The following LOC400499 variants were observed in gnomAD, a reference collection of about 807,000 sequenced individuals.
the LOC400499 span, chr16:11,515,783 A>T: frequency 2.5e-6 from 1 of 401,706 alleles, no homozygotes; most frequent in East Asian, 3.6e-5. Context: ...GAGGAGGAGG[A>T]AAAGGGAGGA....
At chr16:11,397,763 GA>G in the LOC400499 span, among the ~76,000 whole-genome samples, 1 of 38,970 alleles carries the variant, frequency 2.6e-5, no homozygotes, top group Non-Finnish European at 8.6e-5. Flanking sequence ...GGGATGGAGG[GA>G]GGGAGGGATG....
At chr16:11,373,522 C>T in the LOC400499 span, among the ~76,000 whole-genome samples, 9 of 152,110 alleles carry the variant, frequency 5.9e-5, no homozygotes, top group South Asian at 4.1e-4. Context: ...TTAGTAGAGA[C>T]GGGGTTGGGC....
chr16:11,401,964 C>A, the LOC400499 span: 2 of 398,866 alleles, frequency 5.0e-6, no homozygotes, highest in Non-Finnish European at 8.8e-6. Context: ...GGGGAGGGCC[C>A]CAAAGACCCC....
At chr16:11,401,449 G>C in the LOC400499 span, 1 of 399,400 alleles carries the variant, frequency 2.5e-6, no homozygotes, top group Non-Finnish European at 4.4e-6. Context: ...TGCCCAGACA[G>C]ACTGCACCTC....
the LOC400499 span, among the ~76,000 whole-genome samples, chr16:11,515,674 G>A: frequency 9.6e-5 from 14 of 146,250 alleles, no homozygotes; most frequent in African/African-American, 3.5e-4. Flanking sequence ...AAGAAGAGAA[G>A]GAATTGGAGG....
the LOC400499 span, among the ~76,000 whole-genome samples, chr16:11,480,713 C>T: frequency 2.0e-5 from 3 of 152,304 alleles, no homozygotes; most frequent in East Asian, 1.9e-4. Flanking sequence ...TAAATACACA[C>T]GTTCCCTAAG....
the LOC400499 span, among the ~76,000 whole-genome samples, chr16:11,412,662 G>A: frequency 6.6e-6 from 1 of 152,216 alleles, no homozygotes; most frequent in Non-Finnish European, 1.5e-5. Context: ...GAGGATGAGG[G>A]ATTTTTATAG....
At chr16:11,390,894 G>C in the LOC400499 span, among the ~76,000 whole-genome samples, 1 of 152,222 alleles carries the variant, frequency 6.6e-6, no homozygotes, top group Non-Finnish European at 1.5e-5. Context: ...TCTGGTGACA[G>C]CTGGGACAGC....
chr16:11,372,508 A>G, the LOC400499 span: 8 of 152,584 alleles, frequency 5.2e-5, no homozygotes, highest in African/African-American at 1.9e-4. Context: ...GGGGAGAATT[A>G]CTCAGACCAG....
the LOC400499 span, chr16:11,475,772 A>G: frequency 2.5e-6 from 1 of 397,812 alleles, no homozygotes. Context: ...TCATTAGACA[A>G]GTAACACCTT....
At chr16:11,455,690 G>A in the LOC400499 span, among the ~76,000 whole-genome samples, 170 of 149,010 alleles carry the variant, frequency 1.1e-3, no homozygotes, top group African/African-American at 2.7e-3. Flanking sequence ...AGCCGAGATC[G>A]TGCCACTGCA....
the LOC400499 span, among the ~76,000 whole-genome samples, chr16:11,483,276 A>G: frequency 6.6e-6 from 1 of 152,220 alleles, no homozygotes; most frequent in Admixed American, 6.5e-5. Context: ...TTAAACATAT[A>G]CCTACCATAT....
At chr16:11,409,565 A>T in the LOC400499 span, among the ~76,000 whole-genome samples, 1 of 152,230 alleles carries the variant, frequency 6.6e-6, no homozygotes, top group Admixed American at 6.5e-5. Context: ...AAGAAAATTA[A>T]AAAGACATGG....
the LOC400499 span, among the ~76,000 whole-genome samples, chr16:11,450,394 G>A: frequency 1.3e-5 from 2 of 152,204 alleles, no homozygotes; most frequent in Non-Finnish European, 2.9e-5. Flanking sequence ...TGCCGAGCAG[G>A]GATGTGGGAA....
chr16:11,385,555 G>A, the LOC400499 span: 1 of 512,152 alleles, frequency 2.0e-6, no homozygotes, highest in Non-Finnish European at 3.0e-6. Flanking sequence ...CCCTCCCCTG[G>A]CGCAGCAGCC....
At chr16:11,437,967 C>T in the LOC400499 span, among the ~76,000 whole-genome samples, 1 of 152,196 alleles carries the variant, frequency 6.6e-6, no homozygotes, top group African/African-American at 2.4e-5. Flanking sequence ...TTCGGGGGAT[C>T]GATCGCATGC....
chr16:11,459,288 TG>T, the LOC400499 span, among the ~76,000 whole-genome samples: 1 of 146,106 alleles, frequency 6.8e-6, no homozygotes, highest in African/African-American at 2.6e-5. Flanking sequence ...GCTCCGCCTC[TG>T]GGGTTCAAGC....
the LOC400499 span, among the ~76,000 whole-genome samples, chr16:11,512,014 C>T: frequency 6.6e-6 from 1 of 151,990 alleles, no homozygotes; most frequent in Admixed American, 6.6e-5. Flanking sequence ...GAAGGCTGGG[C>T]ACGGTGGCTC....
chr16:11,505,650 G>A, the LOC400499 span, among the ~76,000 whole-genome samples: 1 of 151,530 alleles, frequency 6.6e-6, no homozygotes, highest in African/African-American at 2.4e-5. Flanking sequence ...CTCTCCCTGT[G>A]TTGCCCAGGC....
Sources: gnomAD v4.1 joint callset for allele counts (sites outside exome capture counted in the v4.1 genomes callset) on GRCh38, gnomAD v4.1.1 for gene constraint, MANE v1.5 for transcripts.